The following MFNG variants were observed in gnomAD, a reference collection of about 807,000 sequenced individuals.
MFNG encodes MFNG O-fucosylpeptide 3-beta-N-acetylglucosaminyltransferase, also known as beta-1,3-N-acetylglucosaminyltransferase manic fringe.
MFNG carries 24 observed loss-of-function variants against 34.2 expected under a neutral mutation model. The ratio of observed to expected loss-of-function variants is 0.70; its 90% CI spans 0.51 to 0.99. The LOEUF (loss-of-function observed/expected upper bound fraction) is 0.99, where lower values mean the gene tolerates loss of function less well. Ranked by LOEUF, MFNG falls within the 50% of genes least tolerant of loss-of-function variation. MFNG has a pLI of 0.00. For synonymous variants in MFNG, 158 were observed against 179.2 expected, an observed-to-expected ratio of 0.88 and a Z score of 0.94; for missense variants, 383 against 424.0, an observed-to-expected ratio of 0.90 and a Z score of 0.85.
At position 37,476,980 on chromosome 22, in the gene MFNG, C is replaced by G. The variant is rs1266622061; in HGVS notation, c.563G>C (p.Arg188Thr). ...ASEPQPHNRT[R>T]LVQFWFATGG... ...AGTGGCAAACCAGAACTGTACCAGCCTCTGAGAGAGAGGAAGGCCAAGGGG... is the reference window on the plus strand; with the variant it reads ...AGTGGCAAACCAGAACTGTACCAGCGTCTGAGAGAGAGGAAGGCCAAGGGG... The change falls in exon 5 of 8, where the codon AGG becomes ACG. Residue 188 changes from arginine to threonine, a missense_variant and splice_region_variant. Arg to Thr is a moderately conservative substitution (Grantham distance 71). Coordinates refer to ENST00000356998, the MANE Select transcript of MFNG (RefSeq NM_002405.4). 1 of 1,614,100 alleles carries G rather than the reference C, an allele frequency of 6.2e-7. No individual in the cohort carries two copies. Among genetic ancestry groups the G allele is most frequent in the Non-Finnish European group, 8.5e-7 (1 of 1,179,980 alleles).
In MFNG at chr22:37,485,458, G is replaced by A. The variant is rs1166290282; in HGVS notation, c.255+465C>T. On this transcript the variant is annotated intron_variant, in intron 1 of 7. Transcript: ENST00000356998. This position sits in a 1 kb window ranked among gnomAD's most constrained non-coding sequence, Gnocchi z 5.3. The stretch of plus-strand genomic sequence containing the variant: ...CTCCCGTCCTCCACCCTCAGAGCCC[G>A]GGCAGGACAGCACCTAGGGCCTGGG... 1.3e-5 allele frequency among the ~76,000 whole-genome samples: 2 copies of A among 152,186 alleles called. No homozygotes were observed. Among genetic ancestry groups the A allele is most frequent in the African/African-American group, 2.4e-5 (1 of 41,454 alleles).
Position 37,485,888 on chromosome 22 carries a change from G to GCCA in MFNG, c.255+32_255+34dup. The GCCA allele has an allele frequency of 6.3e-7, 1 of 1,591,908 alleles. No individual in the cohort carries two copies. The highest frequency in any genetic ancestry group is 8.6e-7 in the Non-Finnish European group (1 of 1,166,328). On this transcript the variant is annotated intron_variant, in intron 1 of 7. Transcript: ENST00000356998. The surrounding 1 kb of genome is among the most constrained non-coding windows in gnomAD (Gnocchi z 5.3). ...CCTCTGAGAACCCCTTAGGCCAGGGGCCACCCCCAGGGCCCAATGTCACCC... is the reference window on the plus strand; with the variant it reads ...CCTCTGAGAACCCCTTAGGCCAGGGGCCACCACCCCCAGGGCCCAATGTCACCC...
At chr22:37,474,813 A>T (rs1375750099) in intron 5 of MFNG, 136 bp from the exon 6 acceptor site, 1 of 932,336 alleles carries the variant, frequency 1.1e-6, no homozygotes, top group Admixed American at 3.2e-5. Flanking sequence ...TATGACCTTG[A>T]GCAAGTCAGG....
At chr22:37,475,266 C>G (rs561046190) in intron 5 of MFNG, among the ~76,000 whole-genome samples, 80 of 152,272 alleles carry the variant, frequency 5.3e-4, no homozygotes, top group Middle Eastern at 3.4e-3. Context: ...CTTCATTGCC[C>G]AGGCTGGAGT....
intron 3 of MFNG, 59 bp downstream of exon 3, chr22:37,480,137 CA>C (rs1922225531): frequency 1.4e-6 from 2 of 1,396,290 alleles, no homozygotes; most frequent in East Asian, 2.3e-5. Context: ...CCAGGAGTCC[CA>C]GGGGTTATTT....
intron 6 of MFNG, among the ~76,000 whole-genome samples, chr22:37,473,735 G>A (rs1891068544): frequency 6.6e-6 from 1 of 152,248 alleles, no homozygotes. Context: ...GAAAGCTGGG[G>A]CTGCCATCTT....
At chr22:37,474,430 A>C in intron 6 of MFNG, 82 bp downstream of exon 6, 1 of 1,501,804 alleles carries the variant, frequency 6.7e-7, no homozygotes, top group African/African-American at 1.4e-5. Context: ...TTTCTTTCAA[A>C]CGCCAGGAGG....
chr22:37,480,623 G>T, intron 2 of MFNG, 98 bp downstream of exon 2: 1 of 1,170,626 alleles, frequency 8.5e-7, no homozygotes, highest in Non-Finnish European at 1.3e-6. Context: ...AGGGTGGGCG[G>T]CCCATTTCCT....
At chr22:37,472,664 G>GGC in intron 6 of MFNG, 136 bp from the exon 7 acceptor site, 2 of 787,118 alleles carry the variant, frequency 2.5e-6, no homozygotes, top group South Asian at 1.8e-5. Flanking sequence ...CCCGCTGGTG[G>GGC]TGGGAGCCCA....
At chr22:37,473,044 G>A (rs1921880109) in intron 6 of MFNG, among the ~76,000 whole-genome samples, 1 of 152,150 alleles carries the variant, frequency 6.6e-6, no homozygotes, top group Non-Finnish European at 1.5e-5. Context: ...TTAGCTGTGT[G>A]CCGTGGTCAG....
At chr22:37,472,292 T>A in intron 7 of MFNG, 151 bp downstream of exon 7, 1 of 597,474 alleles carries the variant, frequency 1.7e-6, no homozygotes, top group Non-Finnish European at 2.8e-6. Flanking sequence ...AGTGGCAGGG[T>A]CAGAAACTGA....
chr22:37,481,781 G>A (rs892283170), intron 1 of MFNG, among the ~76,000 whole-genome samples: 6 of 152,178 alleles, frequency 3.9e-5, no homozygotes, highest in Admixed American at 1.3e-4. Flanking sequence ...AAAGCCCTCC[G>A]ACTCTCTCAG....
chr22:37,484,038 T>A (rs902325161), intron 1 of MFNG, among the ~76,000 whole-genome samples: 12 of 152,042 alleles, frequency 7.9e-5, no homozygotes, highest in Non-Finnish European at 1.6e-4. Context: ...CGCAGCCTGC[T>A]GGGGCAGGGG....
intron 5 of MFNG, 62 bp downstream of exon 5, chr22:37,476,816 TTCCTGCTGCAAAGGCCCC>T: frequency 8.5e-7 from 1 of 1,170,588 alleles, no homozygotes; most frequent in Non-Finnish European, 1.3e-6. Flanking sequence ...CTCAAAGCCC[TTCCTGCTGCAAAGGCCCC>T]TCCTGTACCC....
rs1315962034 is a variant in MFNG, at chr22:37,486,373, C to T, written c.-196G>A. 5 of 485,018 alleles carry T rather than the reference C, an allele frequency of 1.0e-5. No homozygotes were observed. Among genetic ancestry groups the T allele is most frequent in the African/African-American group, 4.0e-5 (2 of 50,066 alleles). The allele number at this position is 485,018 out of a possible 1,614,324, so 30.0% of individuals were successfully genotyped here. On this transcript the variant is annotated 5_prime_UTR_variant, in exon 1 of 8. Transcript: ENST00000356998. ...CAGCACGATCTCGACCGCCGCCAGT[C>T]CTCCACCTGCTCCCGCTGTCCGGCC...
In MFNG at chr22:37,482,728, G is replaced by A. The variant is rs1176686343; in HGVS notation, c.256-1959C>T. ...GACGATGGCATCCTGGAGACCACAGGCTGGGTCCAATTTGTCTCCTTGCTC... is the reference window on the plus strand; with the variant it reads ...GACGATGGCATCCTGGAGACCACAGACTGGGTCCAATTTGTCTCCTTGCTC... On this transcript the variant is annotated intron_variant, in intron 1 of 7. Coordinates refer to ENST00000356998, the MANE Select transcript of MFNG (RefSeq NM_002405.4). The surrounding 1 kb of genome is among the most constrained non-coding windows in gnomAD (Gnocchi z 4.1). 6.6e-6 allele frequency among the ~76,000 whole-genome samples: 1 copy of A among 152,134 alleles called. No individual in the cohort carries two copies. Among genetic ancestry groups the A allele is most frequent in the Non-Finnish European group, 1.5e-5 (1 of 68,026 alleles).
Position 37,480,239 on chromosome 22 carries a change from T to C in MFNG, c.365A>G (p.Lys122Arg), listed in dbSNP as rs1194095196. ...GAAGGTGTCGAACTCAGCAGCCATC[T>C]TGCAGGACAGAGCTGGGTGGCTGTG... ...AEHSHPALSCKMAAEFDTFLA... is the reference protein window; with the variant it reads ...AEHSHPALSCRMAAEFDTFLA... The change falls in exon 3 of 8, where the codon AAG (lysine) becomes AGG (arginine). Residue 122 changes from lysine to arginine, a missense_variant. Physicochemically the swap from Lys to Arg is conservative, Grantham distance 26. Transcript: ENST00000356998. 6.2e-6 allele frequency: 10 copies of C among 1,613,070 alleles called. No homozygotes were observed. The highest frequency in any genetic ancestry group is 1.7e-5 in the Admixed American group (1 of 60,004).
chr22:37,471,830 CAAA>C (rs913243094), intron 7 of MFNG, among the ~76,000 whole-genome samples: 1 of 35,494 alleles, frequency 2.8e-5, no homozygotes, highest in Non-Finnish European at 5.1e-5. Flanking sequence ...GGCTCCATCT[CAAA>C]AAAAAAAAAA....
rs770496729 is a variant in MFNG, at chr22:37,486,078, G to C, written c.100C>G (p.Arg34Gly). The C allele has an allele frequency of 1.2e-6, 2 of 1,613,596 alleles. No individual in the cohort carries two copies. The highest frequency in any genetic ancestry group is 1.7e-5 in the Admixed American group (1 of 59,998). ...LRYHLNLSPQ[R>G]VQGTPELSQP... The stretch of plus-strand genomic sequence containing the variant: ...CTCAGCTCGGGGGTCCCTTGTACCC[G>C]CTGCGGGGACAGGTTCAAGTGGTAC... Residue 34 changes from arginine to glycine, a missense_variant, in exon 1 of 8, where the codon CGG (arginine) becomes GGG (glycine). Physicochemically the swap from Arg to Gly is moderately radical, Grantham distance 125 (BLOSUM62 -2). Transcript: ENST00000356998.
Sources: allele counts gnomAD v4.1 joint callset (sites outside exome capture counted in the v4.1 genomes callset), GRCh38; gene constraint gnomAD v4.1.1; non-coding constraint Gnocchi (gnomAD v3.1); transcripts MANE v1.5; gene names NCBI Gene and HGNC (gene_info 2026-07-23, HGNC 2026-07-21).